KCNIP4: variants seen among roughly 807,000 people sequenced by gnomAD.
KCNIP4 encodes the protein Kv channel-interacting protein 4.
Under a neutral mutation model 34.0 loss-of-function variants are expected in KCNIP4, and 12 were observed. That is an observed-to-expected ratio of 0.35 (90% CI 0.23 to 0.57). The LOEUF is 0.57. Among genes scored for constraint, KCNIP4 ranks in the 20% least tolerant of loss-of-function variants. KCNIP4 has a pLI of 0.83. For synonymous variants in KCNIP4, 124 were observed against 102.2 expected, an observed-to-expected ratio of 1.21 and a Z score of -1.29; for missense variants, 238 against 311.7, an observed-to-expected ratio of 0.76 and a Z score of 1.78.
At chr4:21,308,522 C>T (rs952747147) in intron 1 of KCNIP4, among the ~76,000 whole-genome samples, 50 of 152,270 alleles carry the variant, frequency 3.3e-4, no homozygotes, top group African/African-American at 1.1e-3. Flanking sequence ...GGGCTGATAG[C>T]TGCTTGCTGA....
intron 1 of KCNIP4, among the ~76,000 whole-genome samples, chr4:21,169,993 T>G (rs1366356918): frequency 6.6e-6 from 1 of 152,124 alleles, no homozygotes; most frequent in African/African-American, 2.4e-5. Context: ...GAAAGACAAA[T>G]TAAACTTCTG....
intron 1 of KCNIP4, among the ~76,000 whole-genome samples, chr4:21,625,006 T>C (rs1010450099): frequency 2.0e-5 from 3 of 151,806 alleles, no homozygotes; most frequent in Admixed American, 6.6e-5. Context: ...GCTGCATCTA[T>C]TTTTTTTAAC....
intron 1 of KCNIP4, among the ~76,000 whole-genome samples, chr4:21,454,554 G>A (rs1345009509): frequency 6.6e-6 from 1 of 151,944 alleles, no homozygotes; most frequent in Non-Finnish European, 1.5e-5. Context: ...CTGTAACAAA[G>A]GTAATGAGTT....
intron 1 of KCNIP4, among the ~76,000 whole-genome samples, chr4:20,955,423 C>T (rs969853316): frequency 6.6e-6 from 1 of 152,094 alleles, no homozygotes; most frequent in Non-Finnish European, 1.5e-5. Flanking sequence ...TATTGGAAGC[C>T]TCCAATCATC....
intron 1 of KCNIP4, among the ~76,000 whole-genome samples, chr4:21,055,441 A>G (rs903867085): frequency 1.3e-5 from 2 of 152,214 alleles, no homozygotes; most frequent in Non-Finnish European, 2.9e-5. Context: ...GAAGTTAAAA[A>G]TTTTGACTGC....
rs1405704079 is a variant in KCNIP4 at position 21,801,159 on chromosome 4, C to T, written c.61+147412G>A. 3.3e-5 allele frequency among the ~76,000 whole-genome samples: 5 copies of T among 152,260 alleles called. No homozygotes were observed. In the East Asian group the frequency reaches 7.7e-4, roughly 24 times the overall value. On this transcript the variant is annotated intron_variant, in intron 1 of 8. Coordinates refer to ENST00000382152, the MANE Select transcript of KCNIP4 (RefSeq NM_025221.6). ...GTGTGAGAGAGAACATATTCTAACA[C>T]CAGTTTTCATAGCTTCATGTCCAAA... is the stretch of plus-strand genomic sequence containing the variant.
chr4:21,626,086 T>G (rs1037298346), intron 1 of KCNIP4, among the ~76,000 whole-genome samples: 1 of 152,182 alleles, frequency 6.6e-6, no homozygotes, highest in African/African-American at 2.4e-5. Context: ...ACTAAAATAT[T>G]GCTTGCTATT....
intron 1 of KCNIP4, among the ~76,000 whole-genome samples, chr4:21,519,055 G>A (rs1249889073): frequency 1.3e-5 from 2 of 152,076 alleles, no homozygotes; most frequent in African/African-American, 2.4e-5. Context: ...ATTTTCCCAC[G>A]GTCACGGTTA....
chr4:21,731,303 G>C (rs1715581295), intron 1 of KCNIP4, among the ~76,000 whole-genome samples: 1 of 152,240 alleles, frequency 6.6e-6, no homozygotes, highest in South Asian at 2.1e-4. Flanking sequence ...CACAAAGAGA[G>C]AGAGTGAGAG....
intron 1 of KCNIP4, among the ~76,000 whole-genome samples, chr4:21,132,855 A>T: frequency 2.6e-5 from 1 of 38,418 alleles, no homozygotes; most frequent in Non-Finnish European, 5.0e-5. Flanking sequence ...CTAAACGACA[A>T]AAAAAAAAAA....
At chr4:21,796,095 C>G (rs1720606159) in intron 1 of KCNIP4, among the ~76,000 whole-genome samples, 2 of 151,936 alleles carry the variant, frequency 1.3e-5, no homozygotes, top group South Asian at 4.1e-4. Context: ...AAAATTAAAC[C>G]CTAATAAACA....
At chr4:21,738,899 T>G (rs1716204795) in intron 1 of KCNIP4, among the ~76,000 whole-genome samples, 1 of 151,874 alleles carries the variant, frequency 6.6e-6, no homozygotes, top group Non-Finnish European at 1.5e-5. Context: ...GGAAGAAGAG[T>G]TTGGAGAATA....
intron 1 of KCNIP4, among the ~76,000 whole-genome samples, chr4:21,002,586 T>A (rs951892832): frequency 6.6e-6 from 1 of 152,178 alleles, no homozygotes. Flanking sequence ...TCTGCAGCAA[T>A]GCTGTTCGAA....
intron 1 of KCNIP4, among the ~76,000 whole-genome samples, chr4:21,362,745 T>C (rs1560329409): frequency 1.3e-5 from 2 of 152,116 alleles, no homozygotes; most frequent in East Asian, 3.9e-4. Flanking sequence ...CCTCACTGCA[T>C]GTGAAATGGA....
intron 1 of KCNIP4, among the ~76,000 whole-genome samples, chr4:21,357,067 A>C (rs1718695129): frequency 6.6e-6 from 1 of 152,212 alleles, no homozygotes; most frequent in African/African-American, 2.4e-5. Flanking sequence ...AAATGGGTAA[A>C]GGATTCTCTA....
chr4:21,025,499 AG>A (rs1740447800), intron 1 of KCNIP4, among the ~76,000 whole-genome samples: 1 of 136,948 alleles, frequency 7.3e-6, no homozygotes, highest in African/African-American at 2.8e-5. Context: ...AGAGAGAGAG[AG>A]AGAGAGAGAG....
chr4:21,080,425 C>T lies in KCNIP4; in HGVS notation c.62-197716G>A, dbSNP rs1017951225. ...GTTCAAACGCCAATTCTTCTATTTC[C>T]TTTTGGAACAATAAGATCTTTCTTC... On this transcript the variant is annotated intron_variant, in intron 1 of 8. Coordinates refer to ENST00000382152, the MANE Select transcript of KCNIP4 (RefSeq NM_025221.6). Among the ~76,000 whole-genome samples the T allele has an allele frequency of 7.8e-4, 119 of 151,796 alleles. 3 individuals carry two copies. Among genetic ancestry groups the T allele is most frequent in the Admixed American group, 7.6e-3 (116 of 15,210 alleles).
chr4:21,451,091 A>G (rs977868207), intron 1 of KCNIP4, among the ~76,000 whole-genome samples: 1 of 152,148 alleles, frequency 6.6e-6, no homozygotes, highest in African/African-American at 2.4e-5. Context: ...CAACAAAAAA[A>G]TTGGGGTAAT....
rs528489457 is a variant in KCNIP4 at position 21,167,929 on chromosome 4, T to C, written c.62-285220A>G. Among the ~76,000 whole-genome samples the C allele has an allele frequency of 6.6e-5, 10 of 152,296 alleles. 1 individual carries two copies. In the East Asian group the frequency reaches 1.9e-3, roughly 29 times the overall value. ...AGAGAAATTATACAGTGATTCATGG[T>C]TCTGGGGAAGGCTGCTGATATTTTG... On this transcript the variant is annotated intron_variant, in intron 1 of 8. Coordinates refer to ENST00000382152, the MANE Select transcript of KCNIP4 (RefSeq NM_025221.6).
Sources: allele counts gnomAD v4.1 joint callset (sites outside exome capture counted in the v4.1 genomes callset), GRCh38; gene constraint gnomAD v4.1.1; transcripts MANE v1.5; gene names NCBI Gene and HGNC (gene_info 2026-07-23, HGNC 2026-07-21).